The following IGSF11 variants were observed in gnomAD, a reference collection of about 807,000 sequenced individuals.
IGSF11 encodes CXADR like 1.
IGSF11 carries 22 observed loss-of-function variants against 41.0 expected under a neutral mutation model. The observed-to-expected ratio is 0.54, with a 90% confidence interval of 0.38 to 0.77. The LOEUF (loss-of-function observed/expected upper bound fraction) is 0.77, where lower values mean the gene tolerates loss of function less well. IGSF11 is among the 30% of genes least tolerant of loss of function. The probability of loss-of-function intolerance (pLI) is 0.00; values close to 1 mark genes in which losing one functional copy is unlikely to be tolerated. For synonymous variants in IGSF11, 219 were observed against 201.3 expected, an observed-to-expected ratio of 1.09 and a Z score of -0.74; for missense variants, 444 against 530.8, an observed-to-expected ratio of 0.84 and a Z score of 1.61.
intron 1 of IGSF11, among the ~76,000 whole-genome samples, chr3:119,136,075 C>A (rs1204355057): frequency 6.6e-6 from 1 of 152,046 alleles, no homozygotes; most frequent in Non-Finnish European, 1.5e-5. Flanking sequence ...GGCTTGGGGG[C>A]TGGGGTAGGG....
At chr3:119,140,632 TA>T (rs1452353567) in intron 1 of IGSF11, among the ~76,000 whole-genome samples, 1 of 140,072 alleles carries the variant, frequency 7.1e-6, no homozygotes, top group Non-Finnish European at 1.6e-5. Flanking sequence ...AACAGACTTC[TA>T]GAGAACATTC....
chr3:118,930,193 A>T lies in IGSF11; in HGVS notation c.135T>A (p.Thr45=). 6 of 1,614,072 alleles carry T rather than the reference A, an allele frequency of 3.7e-6. No homozygotes were observed. The highest frequency in any genetic ancestry group is 5.1e-6 in the Non-Finnish European group (6 of 1,179,948). Reference sequence around the variant, plus strand: ...TAATGAGGGCAGCGCTGGTAGTGAAAGTGCAGGGCAGGACTGCTGGCTGAC... The same window carrying T: ...TAATGAGGGCAGCGCTGGTAGTGAATGTGCAGGGCAGGACTGCTGGCTGAC... The part of the protein sequence containing the change: ...ARGQPAVLPC[T]FTTSAALINL... The change falls in exon 2 of 7, where the codon ACT becomes ACA. Residue 45 remains threonine, a synonymous_variant. Transcript: ENST00000393775.
intron 1 of IGSF11, among the ~76,000 whole-genome samples, chr3:118,939,039 A>C (rs1324637086): frequency 2.6e-5 from 4 of 152,210 alleles, no homozygotes; most frequent in Non-Finnish European, 5.9e-5. Context: ...AGACAAAAAC[A>C]GTAAAAACAC....
intron 1 of IGSF11, among the ~76,000 whole-genome samples, chr3:119,084,802 T>G (rs1173074370): frequency 6.6e-6 from 1 of 152,198 alleles, no homozygotes; most frequent in Non-Finnish European, 1.5e-5. Context: ...AACCCAGTCC[T>G]GAGGACCTGG....
chr3:119,103,289 G>A (rs1210042792), intron 1 of IGSF11, among the ~76,000 whole-genome samples: 3 of 152,052 alleles, frequency 2.0e-5, no homozygotes, highest in African/African-American at 4.8e-5. Context: ...GAGCCGCCGC[G>A]CCCGGCCCAA....
At chr3:119,051,827 C>A (rs967315545) in intron 1 of IGSF11, among the ~76,000 whole-genome samples, 1 of 151,994 alleles carries the variant, frequency 6.6e-6, no homozygotes, top group Non-Finnish European at 1.5e-5. Context: ...CAAAAGGAAC[C>A]CTGAAAACTA....
intron 4 of IGSF11, among the ~76,000 whole-genome samples, chr3:118,910,356 T>A (rs1940119968): frequency 6.6e-6 from 1 of 152,222 alleles, no homozygotes; most frequent in African/African-American, 2.4e-5. Context: ...GAATCTGAGT[T>A]AACTCTGACT....
intron 1 of IGSF11, among the ~76,000 whole-genome samples, chr3:119,052,113 A>G (rs1440083452): frequency 6.6e-6 from 1 of 152,158 alleles, no homozygotes; most frequent in Admixed American, 6.6e-5. Context: ...GAAGAAGAAA[A>G]GAAATAACAA....
intron 1 of IGSF11, among the ~76,000 whole-genome samples, chr3:119,061,473 T>C (rs1163671011): frequency 6.6e-6 from 1 of 152,166 alleles, no homozygotes; most frequent in African/African-American, 2.4e-5. Flanking sequence ...TGGGACTCAA[T>C]GGATAACCTT....
At chr3:119,144,563 G>GA (rs56047159) in intron 1 of IGSF11, among the ~76,000 whole-genome samples, 10 of 151,118 alleles carry the variant, frequency 6.6e-5, no homozygotes, top group African/African-American at 1.2e-4. Flanking sequence ...ATGTGTCAAA[G>GA]AAAAAAAAAT....
chr3:118,905,669 T>A lies in IGSF11; in HGVS notation c.630A>T (p.Ser210=). The A allele has an allele frequency of 6.2e-7, 1 of 1,613,858 alleles. No homozygotes were observed. The highest frequency in any genetic ancestry group is 8.5e-7 in the Non-Finnish European group (1 of 1,179,784). ...VTIRNISALS[S]GLYQCVASNA... ...TAGAAGCCACGCACTGGTACAAACCTGAAGACAGGGCACTGATGTTCCGGA... is the reference window on the plus strand; with the variant it reads ...TAGAAGCCACGCACTGGTACAAACCAGAAGACAGGGCACTGATGTTCCGGA... The change falls in exon 5 of 7, where the codon TCA becomes TCT. Residue 210 remains serine (S), a synonymous_variant. Coordinates refer to ENST00000393775, the MANE Select transcript of IGSF11 (RefSeq NM_001015887.3).
At chr3:119,061,820 A>C (rs1028291941) in intron 1 of IGSF11, among the ~76,000 whole-genome samples, 2 of 152,002 alleles carry the variant, frequency 1.3e-5, no homozygotes, top group East Asian at 3.8e-4. Context: ...ATATACATCA[A>C]AATTATGATA....
Position 119,034,514 on chromosome 3 carries a change from G to C in IGSF11, c.52+17C>G, listed in dbSNP as rs1940742631. The C allele has an allele frequency of 6.4e-7, 1 of 1,561,344 alleles. No individual in the cohort carries two copies. The highest frequency in any genetic ancestry group is 2.5e-5 in the East Asian group (1 of 40,338). On this transcript the variant is annotated intron_variant, in intron 1 of 6. Coordinates refer to ENST00000393775, the MANE Select transcript of IGSF11 (RefSeq NM_001015887.3). ...CCGGCCTGGCCCCACCGGGAAGAAA[G>C]GGCTGGAGCTACTCACCGTGCAGAG...
At chr3:119,068,835 T>A (rs2107463391) in intron 1 of IGSF11, among the ~76,000 whole-genome samples, 1 of 152,042 alleles carries the variant, frequency 6.6e-6, no homozygotes, top group Non-Finnish European at 1.5e-5. Context: ...AAAAAAGAGA[T>A]CATAACTTAC....
rs553564734 is a variant in IGSF11, at chr3:118,926,690, C to T, written c.425-434G>A. On this transcript the variant is annotated intron_variant, in intron 3 of 6. Coordinates refer to ENST00000393775, the MANE Select transcript of IGSF11 (RefSeq NM_001015887.3). ...ACCACTTTAACAAGGCCCTTTGTTA[C>T]TTTACAAACAAAAACTGGGCAGACC... Among the ~76,000 whole-genome samples, 12 of 152,316 alleles carry T rather than the reference C, an allele frequency of 7.9e-5. No individual in the cohort carries two copies. In the East Asian group the frequency reaches 1.5e-3, roughly 20 times the overall value.
At position 119,072,321 on chromosome 3, in the gene IGSF11, T is replaced by C. The variant is rs72953035; in HGVS notation, c.49+32823A>G. Reference sequence around the variant, plus strand: ...TAAACAGCAAAGTTGAGATTTGAACTCAGATCCAGCTAACTACAATATCCA... The same window carrying C: ...TAAACAGCAAAGTTGAGATTTGAACCCAGATCCAGCTAACTACAATATCCA... On this transcript the variant is annotated intron_variant, in intron 1 of 6. Transcript: ENST00000354673. Among the ~76,000 whole-genome samples the C allele has an allele frequency of 6.8e-3, 1,033 of 152,356 alleles. 20 individuals are homozygous for C. The highest frequency in any genetic ancestry group is 0.023 in the African/African-American group (975 of 41,586).
chr3:119,101,930 A>T (rs1411231103), intron 1 of IGSF11, among the ~76,000 whole-genome samples: 1 of 152,232 alleles, frequency 6.6e-6, no homozygotes, highest in Non-Finnish European at 1.5e-5. Context: ...ACTTGTCTTT[A>T]AAGTTTTAAA....
chr3:119,111,352 C>T (rs1376224267), intron 1 of IGSF11, among the ~76,000 whole-genome samples: 5 of 152,190 alleles, frequency 3.3e-5, no homozygotes, highest in African/African-American at 9.6e-5. Context: ...CATCTTCCAT[C>T]ACTGATACCC....
chr3:119,120,765 G>A (rs1169203843), intron 1 of IGSF11, among the ~76,000 whole-genome samples: 2 of 152,188 alleles, frequency 1.3e-5, no homozygotes, highest in African/African-American at 4.8e-5. Flanking sequence ...AAGGAAAAGA[G>A]GGCAGGAGAC....
Sources: allele counts gnomAD v4.1 joint callset (sites outside exome capture counted in the v4.1 genomes callset), GRCh38; gene constraint gnomAD v4.1.1; transcripts MANE v1.5; gene names NCBI Gene and HGNC (gene_info 2026-07-23, HGNC 2026-07-21).